The following TMEM132D variants were observed in gnomAD, a reference collection of about 807,000 sequenced individuals.
TMEM132D encodes the protein transmembrane protein 132D, also known as mature OL transmembrane protein.
Under a neutral mutation model 62.3 loss-of-function variants are expected in TMEM132D, and 21 were observed. That is an observed-to-expected ratio of 0.34 (90% CI 0.24 to 0.49). TMEM132D has a LOEUF of 0.49. TMEM132D is among the 20% of genes least tolerant of loss of function. The probability of loss-of-function intolerance (pLI) is 0.99; values close to 1 mark genes in which losing one functional copy is unlikely to be tolerated. For synonymous variants in TMEM132D, 621 were observed against 575.6 expected (o/e 1.08, Z -1.13); for missense variants, 1,346 against 1,402.8 (o/e 0.96, Z 0.65).
chr12:129,571,306 C>T (rs1877506226), intron 2 of TMEM132D, among the ~76,000 whole-genome samples: 1 of 152,138 alleles, frequency 6.6e-6, no homozygotes, highest in South Asian at 2.1e-4. Flanking sequence ...TGGTTCACGC[C>T]TATAATCCCA....
intron 2 of TMEM132D, among the ~76,000 whole-genome samples, chr12:129,566,429 T>C (rs1877369795): frequency 6.7e-6 from 1 of 148,712 alleles, no homozygotes; most frequent in South Asian, 2.3e-4. Flanking sequence ...TTCAGGCCAT[T>C]ATAAAAAGAG....
chr12:129,346,348 G>A (rs2135665205), intron 3 of TMEM132D, among the ~76,000 whole-genome samples: 1 of 98,242 alleles, frequency 1.0e-5, no homozygotes, highest in Admixed American at 1.3e-4. Context: ...TATTAGTCTG[G>A]CTAGCAGTCT....
chr12:129,761,364 G>GC lies in TMEM132D; in HGVS notation c.80-60667dup, dbSNP rs534677664. On this transcript the variant is annotated intron_variant, in intron 1 of 8. Transcript: ENST00000422113. ...GATGGATCTGACCTCCCACCTGGCT[G>GC]CCCCCAAAGGGCCACTAAGCGCCTG... Among the ~76,000 whole-genome samples, 305 of 152,194 alleles carry GC rather than the reference G, an allele frequency of 2.0e-3. 3 individuals carry two copies. Among genetic ancestry groups the GC allele is most frequent in the African/African-American group, 6.9e-3 (285 of 41,536 alleles).
intron 4 of TMEM132D, among the ~76,000 whole-genome samples, chr12:129,336,711 G>T (rs1207859243): frequency 6.6e-6 from 1 of 152,182 alleles, no homozygotes; most frequent in African/African-American, 2.4e-5. Context: ...GAACGATGGG[G>T]TTTAGAAGAG....
intron 1 of TMEM132D, among the ~76,000 whole-genome samples, chr12:129,808,765 G>A (rs188728996): frequency 1.9e-4 from 28 of 151,212 alleles, no homozygotes; most frequent in Non-Finnish European, 4.1e-4. Flanking sequence ...AGGCGGGAAG[G>A]AAGGAAGCCA....
chr12:129,353,974 T>C (rs1286124223), intron 3 of TMEM132D, among the ~76,000 whole-genome samples: 1 of 152,072 alleles, frequency 6.6e-6, no homozygotes, highest in African/African-American at 2.4e-5. Flanking sequence ...TAATGCTCAC[T>C]AGTGCAGACT....
At chr12:129,513,911 G>C (rs11060383) in intron 3 of TMEM132D, among the ~76,000 whole-genome samples, 41,111 of 147,080 alleles carry the variant, frequency 0.28, 6,482 homozygotes, top group Middle Eastern at 0.39. Context: ...GATCTCGGCT[G>C]ACTGCAAGCT....
At chr12:129,220,843 G>C (rs1051810450) in intron 4 of TMEM132D, among the ~76,000 whole-genome samples, 2 of 150,060 alleles carry the variant, frequency 1.3e-5, no homozygotes, top group African/African-American at 4.9e-5. Flanking sequence ...GGTATAAAAA[G>C]ATTTTTTTCC....
At chr12:129,446,776 C>T (rs1473425230) in intron 3 of TMEM132D, among the ~76,000 whole-genome samples, 1 of 152,190 alleles carries the variant, frequency 6.6e-6, no homozygotes, top group African/African-American at 2.4e-5. Context: ...CAATTTCCCC[C>T]TCTCTTACTT....
chr12:129,348,656 C>T (rs1869766314), intron 3 of TMEM132D, among the ~76,000 whole-genome samples: 1 of 152,112 alleles, frequency 6.6e-6, no homozygotes, highest in Non-Finnish European at 1.5e-5. Context: ...AACCATAAGG[C>T]ACATGCTTAC....
intron 2 of TMEM132D, among the ~76,000 whole-genome samples, chr12:129,569,269 A>G (rs1877448668): frequency 6.6e-6 from 1 of 152,164 alleles, no homozygotes; most frequent in African/African-American, 2.4e-5. Flanking sequence ...TCTGCACTAC[A>G]AGTGCAAAGA....
At chr12:129,709,879 G>T (rs919953801) in intron 1 of TMEM132D, among the ~76,000 whole-genome samples, 1 of 152,154 alleles carries the variant, frequency 6.6e-6, no homozygotes, top group Non-Finnish European at 1.5e-5. Flanking sequence ...GTACCACTAA[G>T]AGGCTGAGCT....
chr12:129,157,694 C>T (rs1877287410), intron 5 of TMEM132D, among the ~76,000 whole-genome samples: 1 of 152,166 alleles, frequency 6.6e-6, no homozygotes, highest in Non-Finnish European at 1.5e-5. Flanking sequence ...AAAACAAAAC[C>T]ACAGACCATC....
chr12:129,606,071 A>T, intron 2 of TMEM132D, among the ~76,000 whole-genome samples: 1 of 152,120 alleles, frequency 6.6e-6, no homozygotes, highest in Non-Finnish European at 1.5e-5. Context: ...ACAAAAATAA[A>T]ACAAAAAAGA....
chr12:129,783,317 G>A (rs535088372), intron 1 of TMEM132D, among the ~76,000 whole-genome samples: 6 of 152,218 alleles, frequency 3.9e-5, no homozygotes, highest in African/African-American at 1.4e-4. Flanking sequence ...TCAGAGGGTT[G>A]GAAACACACT....
At chr12:129,899,000 A>G (rs1875242041) in intron 1 of TMEM132D, among the ~76,000 whole-genome samples, 1 of 152,190 alleles carries the variant, frequency 6.6e-6, no homozygotes, top group Non-Finnish European at 1.5e-5. Flanking sequence ...AAACATCCCT[A>G]CCTAAGGACG....
intron 2 of TMEM132D, among the ~76,000 whole-genome samples, chr12:129,633,304 T>C (rs1024015388): frequency 1.3e-5 from 2 of 152,198 alleles, no homozygotes; most frequent in Non-Finnish European, 2.9e-5. Flanking sequence ...ATACATTGTT[T>C]CCAATTCTTA....
intron 2 of TMEM132D, among the ~76,000 whole-genome samples, chr12:129,576,203 G>A (rs535682828): frequency 7.2e-5 from 11 of 151,852 alleles, no homozygotes; most frequent in East Asian, 5.8e-4. Flanking sequence ...CCATCTCCGC[G>A]ATAATGCTGC....
intron 5 of TMEM132D, among the ~76,000 whole-genome samples, chr12:129,138,490 G>A (rs1876648930): frequency 1.3e-5 from 2 of 152,174 alleles, no homozygotes; most frequent in Non-Finnish European, 2.9e-5. Flanking sequence ...GGCTGAGGCA[G>A]GAGGATCACC....
Sources: allele counts gnomAD v4.1 joint callset (sites outside exome capture counted in the v4.1 genomes callset), GRCh38; gene constraint gnomAD v4.1.1; transcripts MANE v1.5; gene names NCBI Gene and HGNC (gene_info 2026-07-23, HGNC 2026-07-21).